Variants in XKR9 observed in about 807,000 individuals in gnomAD.
The protein encoded by XKR9 is XK related 9.
In XKR9, 32 loss-of-function variants were observed where a neutral mutation model predicts 32.0. The observed-to-expected ratio is 1.00, with a 90% CI of 0.76 to 1.34. The LOEUF is 1.34. Ranked by LOEUF, XKR9 falls within the 40% of genes most tolerant of loss-of-function variation. XKR9 has a pLI of 0.00. For synonymous variants in XKR9, 168 were observed against 143.4 expected (o/e 1.17, Z -1.22); for missense variants, 546 against 429.7 (o/e 1.27, Z -2.39).
intron 3 of XKR9, among the ~76,000 whole-genome samples, chr8:70,686,240 CTT>C (rs35422609): frequency 0.022 from 2,723 of 123,066 alleles, 62 homozygotes; most frequent in African/African-American, 0.07. Flanking sequence ...TCACTCCATT[CTT>C]TTTTTTTTTT....
chr8:70,683,753 G>T (rs1026873818), intron 3 of XKR9: 1 of 293,396 alleles, frequency 3.4e-6, no homozygotes, highest in Non-Finnish European at 6.7e-6. Flanking sequence ...CTCCCAAAGT[G>T]TTGGGATTAT....
At chr8:70,886,985 G>C in the XKR9 span, among the ~76,000 whole-genome samples, 1 of 152,036 alleles carries the variant, frequency 6.6e-6, no homozygotes, top group Non-Finnish European at 1.5e-5. Context: ...TACCTAGTCA[G>C]CTCTCTTATT....
chr8:71,037,185 A>G, the XKR9 span, among the ~76,000 whole-genome samples: 1 of 152,216 alleles, frequency 6.6e-6, no homozygotes, highest in Non-Finnish European at 1.5e-5. Flanking sequence ...TAACAATTTT[A>G]TATCTTAATA....
chr8:70,830,461 C>A, the XKR9 span, among the ~76,000 whole-genome samples: 3 of 151,740 alleles, frequency 2.0e-5, no homozygotes, highest in Non-Finnish European at 4.4e-5. Flanking sequence ...GTAGGAGGCA[C>A]CTGTAGTCCC....
At chr8:71,035,811 T>G in the XKR9 span, among the ~76,000 whole-genome samples, 1 of 152,154 alleles carries the variant, frequency 6.6e-6, no homozygotes, top group Non-Finnish European at 1.5e-5. Flanking sequence ...CATTCTCCCC[T>G]GCAGCAGACC....
At chr8:70,815,955 C>T in the XKR9 span, among the ~76,000 whole-genome samples, 3 of 152,186 alleles carry the variant, frequency 2.0e-5, no homozygotes, top group East Asian at 5.8e-4. Flanking sequence ...AGTGTCCATA[C>T]ACATGCATGT....
the XKR9 span, among the ~76,000 whole-genome samples, chr8:71,064,888 T>G: frequency 3.9e-5 from 6 of 152,174 alleles, no homozygotes; most frequent in African/African-American, 1.4e-4. Context: ...AGATGTGTTA[T>G]AAAGACAGCT....
chr8:70,889,394 A>C, the XKR9 span, among the ~76,000 whole-genome samples: 1 of 151,690 alleles, frequency 6.6e-6, no homozygotes, highest in South Asian at 2.1e-4. Context: ...TTAATTTTAA[A>C]AACTTTTATC....
intron 2 of XKR9, among the ~76,000 whole-genome samples, chr8:70,784,864 A>G (rs1248354098): frequency 6.6e-6 from 1 of 151,274 alleles, no homozygotes; most frequent in Non-Finnish European, 1.5e-5. Context: ...GTTGTGATAC[A>G]TTTCTTCTAT....
the XKR9 span, among the ~76,000 whole-genome samples, chr8:70,891,490 C>CT: frequency 6.6e-6 from 1 of 151,720 alleles, no homozygotes; most frequent in Non-Finnish European, 1.5e-5. Context: ...TGTTGTATTT[C>CT]TTTTTTTATT....
the XKR9 span, among the ~76,000 whole-genome samples, chr8:70,954,239 C>G: frequency 1.3e-5 from 2 of 151,954 alleles, no homozygotes; most frequent in South Asian, 2.1e-4. Context: ...AAATCTTGTT[C>G]CCAGCTAGTG....
intron 2 of XKR9, among the ~76,000 whole-genome samples, chr8:70,742,425 C>A (rs757657516): frequency 6.6e-6 from 1 of 152,178 alleles, no homozygotes; most frequent in Non-Finnish European, 1.5e-5. Context: ...CTTGGCAGCA[C>A]TTGATTCGGA....
the XKR9 span, among the ~76,000 whole-genome samples, chr8:70,799,255 A>G: frequency 2.0e-5 from 3 of 152,042 alleles, no homozygotes; most frequent in Non-Finnish European, 4.4e-5. Flanking sequence ...CTTATTGTAG[A>G]GATTTTTCAC....
At chr8:70,978,250 G>A in the XKR9 span, among the ~76,000 whole-genome samples, 1 of 152,062 alleles carries the variant, frequency 6.6e-6, no homozygotes, top group African/African-American at 2.4e-5. Flanking sequence ...GGTTAGTATT[G>A]TTATGTGTGA....
intron 4 of XKR9, among the ~76,000 whole-genome samples, chr8:70,728,074 T>C (rs1415610460): frequency 6.6e-6 from 1 of 152,170 alleles, no homozygotes; most frequent in Non-Finnish European, 1.5e-5. Context: ...AAAGGCCTGT[T>C]ATCTTTTTTT....
the XKR9 span, among the ~76,000 whole-genome samples, chr8:70,881,604 G>T: frequency 6.6e-6 from 1 of 152,142 alleles, no homozygotes; most frequent in Non-Finnish European, 1.5e-5. Flanking sequence ...TCATTAAAAA[G>T]TCAGGAAACA....
chr8:70,699,533 C>A (rs998395958), intron 3 of XKR9, among the ~76,000 whole-genome samples: 37 of 152,268 alleles, frequency 2.4e-4, no homozygotes, highest in Admixed American at 9.2e-4. Context: ...TGGCTTGTAG[C>A]GTTTCTGCTG....
intron 2 of XKR9, among the ~76,000 whole-genome samples, chr8:70,753,827 C>G (rs898721697): frequency 1.7e-4 from 26 of 148,798 alleles, no homozygotes; most frequent in Non-Finnish European, 2.7e-4. Flanking sequence ...TGGGCAAAAA[C>G]TGGAAGCATT....
the XKR9 span, among the ~76,000 whole-genome samples, chr8:71,057,199 A>G: frequency 6.6e-6 from 1 of 152,200 alleles, no homozygotes; most frequent in East Asian, 1.9e-4. Flanking sequence ...ATAGCAAGAC[A>G]CAGTTCCACA....
Sources: allele counts gnomAD v4.1 joint callset (sites outside exome capture counted in the v4.1 genomes callset), GRCh38; gene constraint gnomAD v4.1.1; transcripts MANE v1.5; gene names NCBI Gene and HGNC (gene_info 2026-07-23, HGNC 2026-07-21).